CNTNAP2: variants seen among roughly 807,000 people sequenced by gnomAD.
CNTNAP2 encodes contactin associated protein 2, also known as contactin-associated protein-like 2.
CNTNAP2 carries 98 observed loss-of-function variants against 155.2 expected under a neutral mutation model. The observed-to-expected ratio is 0.63, with a 90% CI of 0.54 to 0.75. The LOEUF is 0.75. Among genes scored for constraint, CNTNAP2 ranks in the 30% least tolerant of loss-of-function variants. The pLI is 0.00. For missense variants in CNTNAP2, 1,727 were observed against 1,688.1 expected (o/e 1.02, Z -0.40); for synonymous variants, 651 against 631.2 (o/e 1.03, Z -0.47).
chr7:146,904,186 A>G (rs1391532938), intron 3 of CNTNAP2, among the ~76,000 whole-genome samples: 1 of 152,042 alleles, frequency 6.6e-6, no homozygotes, highest in African/African-American at 2.4e-5. Context: ...ACTCGTCTCC[A>G]TTCACACTGG....
At chr7:147,242,898 C>A (rs1026752203) in intron 8 of CNTNAP2, among the ~76,000 whole-genome samples, 4 of 148,826 alleles carry the variant, frequency 2.7e-5, no homozygotes, top group African/African-American at 9.9e-5. Context: ...GATCTTTTTT[C>A]AGGCTACCAT....
intron 22 of CNTNAP2, among the ~76,000 whole-genome samples, chr7:148,408,336 G>T (rs1355944361): frequency 1.3e-5 from 2 of 152,156 alleles, no homozygotes; most frequent in African/African-American, 4.8e-5. Flanking sequence ...AAAGAATCTG[G>T]AATCTCCCTT....
intron 9 of CNTNAP2, among the ~76,000 whole-genome samples, chr7:147,348,892 T>C (rs1406148635): frequency 1.3e-5 from 2 of 151,906 alleles, no homozygotes; most frequent in African/African-American, 4.8e-5. Flanking sequence ...GAATAGAAAG[T>C]TCACCACCAC....
chr7:146,123,497 T>A (rs575394037), intron 1 of CNTNAP2, among the ~76,000 whole-genome samples: 1 of 152,296 alleles, frequency 6.6e-6, no homozygotes, highest in African/African-American at 2.4e-5. Context: ...ACTAAACCTG[T>A]GTTGTCTGGA....
intron 13 of CNTNAP2, among the ~76,000 whole-genome samples, chr7:147,650,629 A>AAT (rs1277084910): frequency 5.3e-5 from 8 of 152,110 alleles, no homozygotes; most frequent in Non-Finnish European, 1.2e-4. Flanking sequence ...TACAGAATAT[A>AAT]ATATATATAA....
At chr7:146,538,622 G>T (rs1289688180) in intron 1 of CNTNAP2, among the ~76,000 whole-genome samples, 3 of 151,952 alleles carry the variant, frequency 2.0e-5, no homozygotes, top group African/African-American at 7.3e-5. Context: ...GGTCTCTCAG[G>T]TCTCTTTATC....
At chr7:147,223,921 T>A (rs1028959002) in intron 8 of CNTNAP2, among the ~76,000 whole-genome samples, 4 of 102,896 alleles carry the variant, frequency 3.9e-5, no homozygotes, top group African/African-American at 1.6e-4. Context: ...AGCCTGGCAA[T>A]AGAGCAAGAC....
chr7:148,283,261 AAGAAAGAAAGAAAG>A (rs1797010403), intron 21 of CNTNAP2, among the ~76,000 whole-genome samples: 1 of 64,004 alleles, frequency 1.6e-5, no homozygotes, highest in African/African-American at 6.8e-5. Flanking sequence ...AAAAAAAAGA[AAGAAAGAAAGAAAG>A]AAAGAAAGAA....
At position 148,215,341 on chromosome 7, in the gene CNTNAP2, C is replaced by T. The variant is rs546504844; in HGVS notation, c.3011-1947C>T. On this transcript the variant is annotated intron_variant, in intron 18 of 23. Coordinates refer to ENST00000361727, the MANE Select transcript of CNTNAP2 (RefSeq NM_014141.6). ...CAAAGATCAATAACAAGGGTGACAC[C>T]AGTCCAAGTTTGGACAGGCAAATTC... Among the ~76,000 whole-genome samples, 12 of 152,252 alleles carry T rather than the reference C, an allele frequency of 7.9e-5. No individual in the cohort carries two copies. In the East Asian group the frequency reaches 2.3e-3, roughly 29 times the overall value.
intron 14 of CNTNAP2, among the ~76,000 whole-genome samples, chr7:147,955,316 AT>A (rs1801001737): frequency 2.0e-5 from 3 of 152,318 alleles, no homozygotes; most frequent in Non-Finnish European, 2.9e-5. Flanking sequence ...AAGACAAATG[AT>A]ATACTTTAAA....
At chr7:146,825,435 C>T (rs2129197348) in intron 2 of CNTNAP2, among the ~76,000 whole-genome samples, 1 of 152,198 alleles carries the variant, frequency 6.6e-6, no homozygotes, top group East Asian at 1.9e-4. Context: ...AAGGGAATCA[C>T]TCACTATGCA....
intron 11 of CNTNAP2, among the ~76,000 whole-genome samples, chr7:147,499,267 G>A (rs7799101): frequency 0.29 from 43,361 of 151,670 alleles, 6,270 homozygotes; most frequent in East Asian, 0.43. Flanking sequence ...GGTGGCTCTC[G>A]CCTGTAATCC....
chr7:147,256,492 G>A (rs1480028162), intron 8 of CNTNAP2, among the ~76,000 whole-genome samples: 2 of 152,108 alleles, frequency 1.3e-5, no homozygotes, highest in South Asian at 2.1e-4. Context: ...GTATGCAAGA[G>A]TATACAGGAT....
chr7:148,217,251 C>A lies in CNTNAP2; in HGVS notation c.3011-37C>A, dbSNP rs967428423. 5 of 1,606,990 alleles carry A rather than the reference C, an allele frequency of 3.1e-6. No homozygotes were observed. The African/African-American group carries it at 5.4e-5, about 17-fold the overall frequency. On this transcript the variant is annotated intron_variant, in intron 18 of 23. Coordinates refer to ENST00000361727, the MANE Select transcript of CNTNAP2 (RefSeq NM_014141.6). ...ATTGTAGGGTATCGGCATCAGACCTCTCCTCATTTTTCAATTCTCTCTCTC... is the reference window on the plus strand; with the variant it reads ...ATTGTAGGGTATCGGCATCAGACCTATCCTCATTTTTCAATTCTCTCTCTC...
intron 11 of CNTNAP2, chr7:147,496,586 T>G (rs1215401684): frequency 6.6e-6 from 1 of 152,176 alleles, no homozygotes; most frequent in East Asian, 1.9e-4. Flanking sequence ...ATTATTAACC[T>G]AAATCTGGTA....
intron 3 of CNTNAP2, among the ~76,000 whole-genome samples, chr7:147,003,612 C>A (rs936279741): frequency 6.6e-6 from 1 of 151,718 alleles, no homozygotes; most frequent in African/African-American, 2.4e-5. Context: ...GATACGCATG[C>A]ATATTATTTA....
chr7:146,908,852 A>G (rs1442470300), intron 3 of CNTNAP2, among the ~76,000 whole-genome samples: 9 of 144,984 alleles, frequency 6.2e-5, no homozygotes, highest in South Asian at 2.2e-4. Context: ...AAAAAAATCA[A>G]TGAATCCAGG....
At chr7:146,589,083 A>G (rs1354745643) in intron 1 of CNTNAP2, among the ~76,000 whole-genome samples, 1 of 152,138 alleles carries the variant, frequency 6.6e-6, no homozygotes, top group African/African-American at 2.4e-5. Context: ...CTTGTTACTT[A>G]TTTCACATAC....
intron 13 of CNTNAP2, among the ~76,000 whole-genome samples, chr7:147,705,469 A>G (rs1796295707): frequency 6.6e-6 from 1 of 152,184 alleles, no homozygotes; most frequent in African/African-American, 2.4e-5. Flanking sequence ...GTTTCCTAAC[A>G]TATGGTCTAT....
Sources: gnomAD v4.1 joint callset for allele counts (sites outside exome capture counted in the v4.1 genomes callset) on GRCh38, gnomAD v4.1.1 for gene constraint, MANE v1.5 for transcripts, NCBI Gene and HGNC (gene_info 2026-07-23, HGNC 2026-07-21) for gene names.